The following MYOM1 variants were observed in gnomAD, a reference collection of about 807,000 sequenced individuals.
MYOM1 encodes the protein myomesin 1.
MYOM1 carries 164 observed loss-of-function variants against 205.3 expected under a neutral mutation model. The ratio of observed to expected loss-of-function variants is 0.80; its 90% CI spans 0.70 to 0.91. The LOEUF (loss-of-function observed/expected upper bound fraction) is 0.91. Among genes scored for constraint, MYOM1 ranks in the 40% least tolerant of loss-of-function variants. The pLI, the probability that MYOM1 is intolerant of heterozygous loss-of-function variation, is 0.00. For synonymous variants in MYOM1, 772 were observed against 789.4 expected (o/e 0.98, Z 0.37); for missense variants, 2,011 against 2,127.3 (o/e 0.95, Z 1.08).
At chr18:3,241,946 T>C in the MYOM1 span, among the ~76,000 whole-genome samples, 737 of 152,280 alleles carry the variant, frequency 4.8e-3, 10 homozygotes, top group African/African-American at 0.015. Context: ...GAGCCTGTAG[T>C]CCCTTTGTTT....
At position 3,086,097 on chromosome 18, in the gene MYOM1, T is replaced by C. The variant is rs377324484; in HGVS notation, c.4192A>G (p.Ile1398Val). ...HIVWYKDERE[I>V]SVDEKHDFKD... ...AAGTCATGCTTTTCATCCACTGATA[T>C]CTCCCTCTCATCTTTGTACCACACA... The change falls in exon 30 of 38, where the codon ATA becomes GTA. Residue 1398 changes from isoleucine to valine, a missense_variant. Transcript: ENST00000356443. 5.6e-6 allele frequency: 9 copies of C among 1,612,120 alleles called. No homozygotes were observed. The highest frequency in any genetic ancestry group is 7.6e-6 in the Non-Finnish European group (9 of 1,179,388).
At position 3,219,041 on chromosome 18, in the gene MYOM1, G is replaced by A. The variant is rs1184521545; in HGVS notation, c.-29+762C>T. 1.3e-5 allele frequency among the ~76,000 whole-genome samples: 2 copies of A among 152,168 alleles called. No individual in the cohort carries two copies. Among genetic ancestry groups the A allele is most frequent in the Admixed American group, 1.3e-4 (2 of 15,280 alleles). On this transcript the variant is annotated intron_variant, in intron 1 of 37. Transcript: ENST00000356443. The surrounding 1 kb of genome is among the most constrained non-coding windows in gnomAD (Gnocchi z 4.4). ...AAGTAAGCCCTTGAAGTTAACTAAAGCCAGGATTAGCTCCAACACATGACG... is the reference window on the plus strand; with the variant it reads ...AAGTAAGCCCTTGAAGTTAACTAAAACCAGGATTAGCTCCAACACATGACG...
Position 3,112,329 on chromosome 18 carries a change from A to G in MYOM1, c.3387T>C (p.Leu1129=). ...GGGTCTCTGCCACAACAGGGCCAGC[A>G]AGGTCAGATGGCTTCCCAACTCCCG... is the stretch of plus-strand genomic sequence containing the variant. ...NQAGVGKPSD[L]AGPVVAETRP... The change falls in exon 22 of 38, where the codon CTT becomes CTC. Residue 1129 remains leucine (L), a synonymous_variant. Transcript: ENST00000356443. 1 of 1,613,204 alleles carries G rather than the reference A, an allele frequency of 6.2e-7. No homozygotes were observed. The highest frequency in any genetic ancestry group is 1.1e-5 in the South Asian group (1 of 91,010).
the MYOM1 span, among the ~76,000 whole-genome samples, chr18:3,230,469 C>T: frequency 1.2e-3 from 186 of 152,362 alleles, no homozygotes; most frequent in African/African-American, 4.3e-3. Context: ...TGATTTGTCC[C>T]CTCTGGGAGA....
the MYOM1 span, among the ~76,000 whole-genome samples, chr18:3,243,269 C>A: frequency 6.6e-6 from 1 of 152,178 alleles, no homozygotes; most frequent in Non-Finnish European, 1.5e-5. Context: ...ATTGTTACAT[C>A]ATAAATATTT....
At chr18:3,183,603 G>A (rs2080770649) in intron 5 of MYOM1, among the ~76,000 whole-genome samples, 1 of 152,188 alleles carries the variant, frequency 6.6e-6, no homozygotes, top group South Asian at 2.1e-4. Context: ...TAACTGCTAT[G>A]AGTGGAGGCA....
In MYOM1 at chr18:3,194,389, C is replaced by T. The variant is rs367568274; in HGVS notation, c.291-431G>A. On this transcript the variant is annotated intron_variant, in intron 2 of 37. Coordinates refer to ENST00000356443, the MANE Select transcript of MYOM1 (RefSeq NM_003803.4). ...AGACAGGTCCATCCTGATGTAGGAC[C>T]CTTGGTTTACACTGAGACCTTTATG... Among the ~76,000 whole-genome samples the T allele has an allele frequency of 5.3e-4, 81 of 152,248 alleles. No homozygotes were observed. In the South Asian group the frequency reaches 0.015, roughly 29 times the overall value.
chr18:3,073,834 TGTGAGA>T (rs1229184989), intron 36 of MYOM1, among the ~76,000 whole-genome samples: 1 of 152,196 alleles, frequency 6.6e-6, no homozygotes, highest in Non-Finnish European at 1.5e-5. Flanking sequence ...GGTATTCAAC[TGTGAGA>T]GGGAAACCTG....
chr18:3,151,898 A>T lies in MYOM1; in HGVS notation c.1644-5T>A, dbSNP rs774270859. On this transcript the variant is annotated splice_region_variant and splice_polypyrimidine_tract_variant and intron_variant, in intron 11 of 37. Transcript: ENST00000356443. ...CTATCTGTGCCCACCTCACACCTAA[A>T]GGAATGAGCGTGATTGACAAAAATA... The T allele has an allele frequency of 6.2e-6, 10 of 1,610,942 alleles. No homozygotes were observed. Among genetic ancestry groups the T allele is most frequent in the South Asian group, 1.1e-5 (1 of 90,770 alleles).
At chr18:3,235,374 C>T in the MYOM1 span, among the ~76,000 whole-genome samples, 1 of 152,180 alleles carries the variant, frequency 6.6e-6, no homozygotes, top group Admixed American at 6.5e-5. Context: ...CCCAGACTTA[C>T]CCTCTGCTAA....
chr18:3,191,198 C>CT (rs1455328164), intron 3 of MYOM1, among the ~76,000 whole-genome samples: 1 of 152,194 alleles, frequency 6.6e-6, no homozygotes, highest in Non-Finnish European at 1.5e-5. Flanking sequence ...CTGCGAATCT[C>CT]TGACAGTCTC....
chr18:3,156,905 G>A (rs183119994), intron 10 of MYOM1, among the ~76,000 whole-genome samples: 258 of 152,298 alleles, frequency 1.7e-3, no homozygotes, highest in African/African-American at 5.0e-3. Context: ...CACCGCGCCC[G>A]GCGAGACACT....
In MYOM1 at chr18:3,135,833, G is replaced by C; in HGVS notation, c.2026-103C>G. Reference sequence around the variant, plus strand: ...ATTCATCTGCAACAAACCACTCCCTGTAATGCAAGCTGGACTGGAGGAGAG... The same window carrying C: ...ATTCATCTGCAACAAACCACTCCCTCTAATGCAAGCTGGACTGGAGGAGAG... On this transcript the variant is annotated intron_variant, in intron 14 of 37. Transcript: ENST00000356443. This position sits in a 1 kb window ranked among gnomAD's most constrained non-coding sequence, Gnocchi z 4.1. 8.0e-7 allele frequency: 1 copy of C among 1,252,432 alleles called. No homozygotes were observed. The highest frequency in any genetic ancestry group is 1.1e-6 in the Non-Finnish European group (1 of 887,932). 77.6% of individuals were successfully genotyped at this position (1,252,432 alleles called of 1,614,324 possible).
intron 3 of MYOM1, among the ~76,000 whole-genome samples, chr18:3,193,332 A>ATATATATACATATACATATG (rs1555629148): frequency 0.027 from 3,907 of 144,156 alleles, 217 homozygotes; most frequent in African/African-American, 0.091. Context: ...ACATATACAT[A>ATATATATACATATACATATG]TATATGTACA....
chr18:3,111,328 A>G (rs1280050232), intron 22 of MYOM1, among the ~76,000 whole-genome samples: 1 of 145,036 alleles, frequency 6.9e-6, no homozygotes, highest in Non-Finnish European at 1.5e-5. Context: ...AAAAGAAATT[A>G]TTATGTAATG....
rs558129127 is a variant in MYOM1, at chr18:3,195,645, T to C, written c.291-1687A>G. On this transcript the variant is annotated intron_variant, in intron 2 of 37. Transcript: ENST00000356443. ...TTTTCTCTCTTTACTTCCATTCTAG[T>C]GGCCACAGTCATAGTCTCATGAGCT... Among the ~76,000 whole-genome samples, 5 of 152,356 alleles carry C rather than the reference T, an allele frequency of 3.3e-5. No homozygotes were observed. The South Asian group carries it at 1.0e-3, about 32-fold the overall frequency.
intron 8 of MYOM1, among the ~76,000 whole-genome samples, chr18:3,172,747 G>A (rs1420452527): frequency 6.6e-6 from 1 of 152,124 alleles, no homozygotes; most frequent in Non-Finnish European, 1.5e-5. Context: ...CTGACCTCAG[G>A]TGATCCACCC....
In MYOM1 at chr18:3,119,924, C is replaced by T. The variant is rs373744359; in HGVS notation, c.3063G>A (p.Ala1021=). The T allele has an allele frequency of 2.0e-4, 318 of 1,611,838 alleles. No individual in the cohort carries two copies. Among genetic ancestry groups the T allele is most frequent in the Non-Finnish European group, 2.6e-4 (306 of 1,179,230 alleles). Residue 1021 remains alanine, a synonymous_variant, in exon 20 of 38, where the codon GCG becomes GCA. Transcript: ENST00000356443. ...TGAAGCATTCGCTTACTGCGGAGGGCGCGCCCAGCCCAGCCATGTTCATGG... is the reference window on the plus strand; with the variant it reads ...TGAAGCATTCGCTTACTGCGGAGGGTGCGCCCAGCCCAGCCATGTTCATGG... ...VAAMNMAGLG[A]PSAVSECFKC...
At chr18:3,229,009 C>T in the MYOM1 span, among the ~76,000 whole-genome samples, 1 of 152,208 alleles carries the variant, frequency 6.6e-6, no homozygotes, top group Non-Finnish European at 1.5e-5. Context: ...TTGTATTGCT[C>T]TGCTATAATT....
Sources: allele counts gnomAD v4.1 joint callset (sites outside exome capture counted in the v4.1 genomes callset), GRCh38; gene constraint gnomAD v4.1.1; non-coding constraint Gnocchi (gnomAD v3.1); transcripts MANE v1.5; gene names NCBI Gene and HGNC (gene_info 2026-07-23, HGNC 2026-07-21).